ANKS1B: variants seen among roughly 807,000 people sequenced by gnomAD.
ANKS1B encodes ankyrin repeat and sterile alpha motif domain-containing protein 1B.
Under a neutral mutation model 148.3 loss-of-function variants are expected in ANKS1B, and 36 were observed. The observed-to-expected ratio is 0.24, with a 90% CI of 0.19 to 0.32. ANKS1B has a LOEUF of 0.32. ANKS1B is among the 10% of genes least tolerant of loss of function. The pLI, the probability that ANKS1B is intolerant of heterozygous loss-of-function variation, is 1.00. For missense variants in ANKS1B, 1,157 were observed against 1,542.6 expected (o/e 0.75, Z 4.19); for synonymous variants, 542 against 560.8 (o/e 0.97, Z 0.47).
intron 8 of ANKS1B, among the ~76,000 whole-genome samples, chr12:99,730,166 C>T (rs1452328339): frequency 6.6e-6 from 1 of 152,202 alleles, no homozygotes; most frequent in Non-Finnish European, 1.5e-5. Flanking sequence ...GTTCTATAGA[C>T]TAATCCATCA....
intron 17 of ANKS1B, among the ~76,000 whole-genome samples, chr12:98,996,590 G>A (rs2099929756): frequency 6.6e-6 from 1 of 151,896 alleles, no homozygotes; most frequent in African/African-American, 2.4e-5. Context: ...CGAGGCAGGT[G>A]GATCACGAGG....
intron 20 of ANKS1B, 39 bp downstream of exon 20, chr12:98,807,805 G>C: frequency 6.4e-7 from 1 of 1,571,730 alleles, no homozygotes; most frequent in South Asian, 1.1e-5. Flanking sequence ...AGTACATAGC[G>C]CAAGTTCAGG....
intron 8 of ANKS1B, among the ~76,000 whole-genome samples, chr12:99,718,043 A>G (rs1197971656): frequency 3.3e-5 from 5 of 151,092 alleles, no homozygotes; most frequent in Non-Finnish European, 5.9e-5. Context: ...AGCTGGGACT[A>G]CAGGCGCCCG....
chr12:99,866,453 G>A (rs928967027), intron 1 of ANKS1B, among the ~76,000 whole-genome samples: 1 of 151,928 alleles, frequency 6.6e-6, no homozygotes, highest in African/African-American at 2.4e-5. Flanking sequence ...TTCCTGCCAC[G>A]CTTCCCCATT....
intron 1 of ANKS1B, among the ~76,000 whole-genome samples, chr12:99,885,108 C>T (rs915241492): frequency 6.6e-6 from 1 of 151,936 alleles, no homozygotes; most frequent in Admixed American, 6.6e-5. Flanking sequence ...CAAGATCCTG[C>T]CTTTTCACAT....
intron 8 of ANKS1B, among the ~76,000 whole-genome samples, chr12:99,746,355 A>G (rs374847888): frequency 1.3e-5 from 2 of 152,318 alleles, no homozygotes; most frequent in East Asian, 1.9e-4. Flanking sequence ...TGTATTAGCA[A>G]TCTGGCTATC....
intron 4 of ANKS1B, among the ~76,000 whole-genome samples, chr12:99,800,911 G>A (rs1412579168): frequency 1.3e-5 from 2 of 152,102 alleles, no homozygotes; most frequent in Non-Finnish European, 2.9e-5. Context: ...AGTAGGTATA[G>A]ACAGAGATGA....
At chr12:99,775,328 T>C (rs936905808) in intron 7 of ANKS1B, among the ~76,000 whole-genome samples, 1 of 152,016 alleles carries the variant, frequency 6.6e-6, no homozygotes, top group Non-Finnish European at 1.5e-5. Flanking sequence ...AAAAAACACA[T>C]TTAAGAAACA....
At chr12:99,842,353 T>C (rs2085884543) in intron 1 of ANKS1B, among the ~76,000 whole-genome samples, 1 of 152,170 alleles carries the variant, frequency 6.6e-6, no homozygotes, top group Admixed American at 6.6e-5. Flanking sequence ...AAAACTAGTA[T>C]GTAGTTTTTG....
intron 10 of ANKS1B, among the ~76,000 whole-genome samples, chr12:99,483,583 T>G (rs1171337927): frequency 6.6e-6 from 1 of 151,916 alleles, no homozygotes; most frequent in African/African-American, 2.4e-5. Context: ...CCAATTCTCT[T>G]TTTAATGAAT....
intron 9 of ANKS1B, among the ~76,000 whole-genome samples, chr12:99,510,066 A>G (rs2096749080): frequency 6.6e-6 from 1 of 152,010 alleles, no homozygotes; most frequent in Non-Finnish European, 1.5e-5. Flanking sequence ...GAATATTTTA[A>G]GCCCACTATT....
intron 20 of ANKS1B, among the ~76,000 whole-genome samples, chr12:98,805,132 A>G (rs2099040152): frequency 6.6e-6 from 1 of 152,200 alleles, no homozygotes; most frequent in African/African-American, 2.4e-5. Context: ...AAAATGATTC[A>G]AGGTACTCCT....
chr12:99,965,485 T>TTA (rs1428239057), intron 1 of ANKS1B, among the ~76,000 whole-genome samples: 3 of 152,142 alleles, frequency 2.0e-5, no homozygotes, highest in East Asian at 3.8e-4. Context: ...AAAAAGGTAA[T>TTA]TATATATATA....
At chr12:99,636,589 C>T (rs2098238533) in intron 9 of ANKS1B, among the ~76,000 whole-genome samples, 1 of 152,050 alleles carries the variant, frequency 6.6e-6, no homozygotes, top group Non-Finnish European at 1.5e-5. Context: ...CAAGGAAAAC[C>T]AGAAAATTTT....
intron 1 of ANKS1B, among the ~76,000 whole-genome samples, chr12:99,955,808 A>T (rs1239228033): frequency 6.6e-6 from 1 of 152,230 alleles, no homozygotes; most frequent in African/African-American, 2.4e-5. Context: ...GCTTAAAAAA[A>T]GTATCCATAA....
chr12:99,457,363 T>TG (rs1440282402), intron 10 of ANKS1B, among the ~76,000 whole-genome samples: 2 of 149,976 alleles, frequency 1.3e-5, no homozygotes, highest in Non-Finnish European at 3.0e-5. Context: ...AACAACACTA[T>TG]GAAAAAAAAA....
chr12:98,890,988 A>G (rs746965907), intron 17 of ANKS1B, among the ~76,000 whole-genome samples: 15 of 152,188 alleles, frequency 9.9e-5, no homozygotes, highest in Non-Finnish European at 1.5e-4. Flanking sequence ...GAAAATCTCA[A>G]TGTAGTCCCT....
chr12:99,323,064 A>C (rs1008779347), intron 12 of ANKS1B, among the ~76,000 whole-genome samples: 2 of 152,132 alleles, frequency 1.3e-5, no homozygotes, highest in Non-Finnish European at 2.9e-5. Context: ...GTAGTGTGAG[A>C]ATGAACTAAT....
chr12:98,909,331 A>G (rs1409600826), intron 17 of ANKS1B, among the ~76,000 whole-genome samples: 1 of 152,240 alleles, frequency 6.6e-6, no homozygotes, highest in Non-Finnish European at 1.5e-5. Context: ...GCTTTTGTAT[A>G]GTAACTTCAA....
Sources: gnomAD v4.1 joint callset for allele counts (sites outside exome capture counted in the v4.1 genomes callset) on GRCh38, gnomAD v4.1.1 for gene constraint, MANE v1.5 for transcripts, NCBI Gene and HGNC (gene_info 2026-07-23, HGNC 2026-07-21) for gene names.